OTOGL: variants seen among roughly 807,000 people sequenced by gnomAD.
The protein encoded by OTOGL is otogelin-like protein.
Under a neutral mutation model 318.5 loss-of-function variants are expected in OTOGL, and 285 were observed. The observed-to-expected ratio is 0.89, with a 90% CI of 0.81 to 0.99. The LOEUF (loss-of-function observed/expected upper bound fraction) is 0.99. OTOGL is among the 50% of genes least tolerant of loss of function. The probability of loss-of-function intolerance (pLI) is 0.00; values close to 1 mark genes in which losing one functional copy is unlikely to be tolerated. For synonymous variants in OTOGL, 987 were observed against 936.5 expected, an observed-to-expected ratio of 1.05 and a Z score of -0.99; for missense variants, 2,899 against 2,845.6, an observed-to-expected ratio of 1.02 and a Z score of -0.43.
chr12:80,266,200 G>A (rs903362207), intron 20 of OTOGL: 1 of 467,866 alleles, frequency 2.1e-6, no homozygotes, highest in African/African-American at 1.9e-5. Context: ...CTGCAAAGCT[G>A]AAAATATTTA....
chr12:80,351,290 G>GTTT (rs367974556), intron 44 of OTOGL, among the ~76,000 whole-genome samples: 1 of 149,096 alleles, frequency 6.7e-6, no homozygotes, highest in African/African-American at 2.5e-5. Context: ...TTGCCATTGT[G>GTTT]TTTTTTTTTT....
At chr12:80,323,111 C>G (rs1348328000) in intron 34 of OTOGL, among the ~76,000 whole-genome samples, 1 of 59,964 alleles carries the variant, frequency 1.7e-5, no homozygotes, top group African/African-American at 3.7e-5. Context: ...CACACACACA[C>G]ACACACACAC....
intron 1 of OTOGL, among the ~76,000 whole-genome samples, chr12:80,121,930 GAC>G (rs1387934644): frequency 6.6e-6 from 1 of 152,118 alleles, no homozygotes; most frequent in Non-Finnish European, 1.5e-5. Flanking sequence ...AATGCACAGT[GAC>G]ACACACTTAT....
At chr12:80,142,305 A>T (rs1872000705) in intron 1 of OTOGL, among the ~76,000 whole-genome samples, 1 of 152,132 alleles carries the variant, frequency 6.6e-6, no homozygotes, top group African/African-American at 2.4e-5. Flanking sequence ...CTCAGTGGCC[A>T]CGTGTCTAGC....
intron 1 of OTOGL, among the ~76,000 whole-genome samples, chr12:80,191,883 A>C (rs1034258799): frequency 6.6e-6 from 1 of 152,244 alleles, no homozygotes; most frequent in Non-Finnish European, 1.5e-5. Flanking sequence ...ACTGTGGTGC[A>C]TTAGATGAGA....
At chr12:80,262,273 T>G (rs1882609998) in intron 19 of OTOGL, among the ~76,000 whole-genome samples, 180 bp downstream of exon 19, 1 of 152,158 alleles carries the variant, frequency 6.6e-6, no homozygotes, top group Admixed American at 6.6e-5. Context: ...TGTCTTTTCA[T>G]GTAATCTAGG....
At chr12:80,185,825 G>A (rs1875249475) in intron 1 of OTOGL, among the ~76,000 whole-genome samples, 1 of 152,158 alleles carries the variant, frequency 6.6e-6, no homozygotes, top group South Asian at 2.1e-4. Flanking sequence ...ATAGAAAAAT[G>A]TAATTATCAG....
chr12:80,358,382 G>T, intron 50 of OTOGL, 33 bp downstream of exon 50: 1 of 1,483,918 alleles, frequency 6.7e-7, no homozygotes, highest in Non-Finnish European at 9.3e-7. Flanking sequence ...AAAATATTTA[G>T]ATGTGTCCAA....
intron 11 of OTOGL, among the ~76,000 whole-genome samples, chr12:80,243,291 G>A (rs1384044739): frequency 6.6e-6 from 1 of 151,934 alleles, no homozygotes; most frequent in African/African-American, 2.4e-5. Flanking sequence ...AAAGTACTGG[G>A]AAAAGAAACC....
In OTOGL at chr12:80,333,055, C is replaced by A; in HGVS notation, c.4399C>A (p.Pro1467Thr). The part of the protein sequence containing the change: ...SDITVFDMLT[P>T]TTGLECEPQK... ...CATCACTGTGTTTGATATGCTAACA[C>A]CAACTACAGGCTTGGAATGTGAGGT... Residue 1467 changes from proline (P) to threonine (T), a missense_variant, in exon 38 of 59, where the codon CCA becomes ACA. Around this residue, in one of 3 missense-constraint regions of OTOGL, gnomAD observed 2,607 missense variants for 2,524.9 expected, o/e 1.03. Coordinates refer to ENST00000547103, the MANE Select transcript of OTOGL (RefSeq NM_001378609.3). 1 of 1,601,784 alleles carries A rather than the reference C, an allele frequency of 6.2e-7. No homozygotes were observed. Among genetic ancestry groups the A allele is most frequent in the Non-Finnish European group, 8.5e-7 (1 of 1,173,096 alleles).
chr12:80,259,143 T>G (rs1882312102), intron 18 of OTOGL, among the ~76,000 whole-genome samples: 1 of 150,722 alleles, frequency 6.6e-6, no homozygotes, highest in Non-Finnish European at 1.5e-5. Context: ...CAAGGATCAA[T>G]CAACTATATA....
chr12:80,328,669 GA>G lies in OTOGL; in HGVS notation c.4206del (p.Gly1403AspfsTer10). Reference protein sequence around the residue: ...ALACKFLPPVEGCLPYCPKNM... With the variant: ...ALACKFLPPVXGCLPYCPKNM... ...TACTCTTTTTTCCATGTAAAGGGTTGAAGGATGCTTGCCCTACTGCCCTAAA... is the reference window on the plus strand; with the variant it reads ...TACTCTTTTTTCCATGTAAAGGGTTGAGGATGCTTGCCCTACTGCCCTAAA... On this transcript the variant is annotated frameshift_variant, in exon 36 of 59. Transcript: ENST00000547103. LOFTEE classifies it high-confidence loss of function. The G allele has an allele frequency of 6.3e-7, 1 of 1,596,118 alleles. No individual in the cohort carries two copies. The highest frequency in any genetic ancestry group is 8.6e-7 in the Non-Finnish European group (1 of 1,164,496).
At chr12:80,131,887 C>A (rs183039450) in intron 1 of OTOGL, 204 of 152,262 alleles carry the variant, frequency 1.3e-3, no homozygotes, top group African/African-American at 4.6e-3. Context: ...AAAACTATTT[C>A]TGTCTGATTC....
chr12:80,142,809 G>T (rs1471998489), intron 1 of OTOGL, among the ~76,000 whole-genome samples: 1 of 152,172 alleles, frequency 6.6e-6, no homozygotes, highest in Non-Finnish European at 1.5e-5. Context: ...GAAGCTAGAG[G>T]TGAATGAGGA....
intron 7 of OTOGL, among the ~76,000 whole-genome samples, chr12:80,228,416 T>C (rs1281641530): frequency 6.6e-6 from 1 of 152,034 alleles, no homozygotes. Context: ...CACTCCAGCG[T>C]GGGTGACAGA....
At position 80,320,572 on chromosome 12, in the gene OTOGL, C is replaced by T. The variant is rs940531625; in HGVS notation, c.3953C>T (p.Pro1318Leu). 2 of 1,613,462 alleles carry T rather than the reference C, an allele frequency of 1.2e-6. No individual in the cohort carries two copies. Among genetic ancestry groups the T allele is most frequent in the Non-Finnish European group, 1.7e-6 (2 of 1,179,666 alleles). ...TFFHHQGLWI[P>L]GYSAFELYSK... ...TTCCACCATCAGGGCCTCTGGATTC[C>T]TGGTTACAGTGCATTTGAGTTATAC... is the stretch of plus-strand genomic sequence containing the variant. Residue 1318 changes from proline to leucine, a missense_variant, in exon 34 of 59, where the codon CCT becomes CTT. This residue lies in a region of OTOGL where 2,607 missense variants were observed against 2,524.9 expected (regional missense o/e 1.03). Transcript: ENST00000547103.
chr12:80,178,061 C>CTTTTTTTTTTTTTTTTTTTTTTT (rs71094968), intron 1 of OTOGL, among the ~76,000 whole-genome samples: 2 of 74,920 alleles, frequency 2.7e-5, no homozygotes, highest in African/African-American at 4.7e-5. Flanking sequence ...TTCTTTCTTT[C>CTTTTTTTTTTTTTTTTTTTTTTT]TTTTTTTTTT....
intron 1 of OTOGL, among the ~76,000 whole-genome samples, chr12:80,120,794 G>A (rs1341244535): frequency 6.6e-6 from 1 of 152,128 alleles, no homozygotes; most frequent in Admixed American, 6.6e-5. Flanking sequence ...TATAGGCAGT[G>A]ACAGAACCCA....
chr12:80,106,867 CT>C (rs879605502), intron 1 of OTOGL, among the ~76,000 whole-genome samples: 1,474 of 146,542 alleles, frequency 0.01, 6 homozygotes, highest in Non-Finnish European at 0.015. Context: ...ATGTTTTTTT[CT>C]TTTTTTTTTA....
Sources: allele counts gnomAD v4.1 joint callset (sites outside exome capture counted in the v4.1 genomes callset), GRCh38; gene constraint gnomAD v4.1.1; regional missense constraint gnomAD v4.1.1; transcripts MANE v1.5; gene names NCBI Gene and HGNC (gene_info 2026-07-23, HGNC 2026-07-21).